TBC1D9: variants seen among roughly 807,000 people sequenced by gnomAD.
TBC1D9 encodes the protein TBC1 domain family member 9.
A neutral mutation model predicts 132.0 loss-of-function variants in TBC1D9; 63 were observed. The observed-to-expected ratio is 0.48, with a 90% CI of 0.39 to 0.59. The LOEUF is 0.59. Among genes scored for constraint, TBC1D9 ranks in the 20% least tolerant of loss-of-function variants. The probability of loss-of-function intolerance (pLI) is 0.00; values close to 1 mark genes in which losing one functional copy is unlikely to be tolerated. For missense variants in TBC1D9, 1,261 were observed against 1,592.7 expected (o/e 0.79, Z 3.54); for synonymous variants, 610 against 609.9 (o/e 1.00, Z 0.00).
intron 13 of TBC1D9, among the ~76,000 whole-genome samples, chr4:140,646,774 TGG>T (rs573937840): frequency 6.6e-6 from 1 of 152,182 alleles, no homozygotes; most frequent in Non-Finnish European, 1.5e-5. Flanking sequence ...ATGTGGTGAG[TGG>T]GTCTCAACCT....
chr4:140,729,854 A>T (rs776753703), intron 1 of TBC1D9, among the ~76,000 whole-genome samples: 2 of 135,314 alleles, frequency 1.5e-5, no homozygotes, highest in South Asian at 2.5e-4. Context: ...AATCCCCTTG[A>T]GTGGTTATTT....
rs148794626 is a variant in TBC1D9, at chr4:140,741,673, A to G, written c.130+14243T>C. On this transcript the variant is annotated intron_variant, in intron 1 of 20. Coordinates refer to ENST00000442267, the MANE Select transcript of TBC1D9 (RefSeq NM_015130.3). ...GCAGAGGATGCAGTGAGCAGAGATC[A>G]TGCCAATGCACTCTAGCCTAGGCGG... Among the ~76,000 whole-genome samples, 483 of 152,302 alleles carry G rather than the reference A, an allele frequency of 3.2e-3. 3 individuals carry two copies. The highest frequency in any genetic ancestry group is 0.011 in the African/African-American group (459 of 41,560).
rs138950477 is a variant in TBC1D9, at chr4:140,719,419, G to A, written c.131-17805C>T. Among the ~76,000 whole-genome samples the A allele has an allele frequency of 1.9e-3, 282 of 152,276 alleles. 2 individuals carry two copies. Among genetic ancestry groups the A allele is most frequent in the South Asian group, 0.013 (63 of 4,826 alleles). Reference sequence around the variant, plus strand: ...CTTAATTTTGGAGCAGGGAAGGAGCGTCAAGACATAAACTTGCATCTTCTT... The same window carrying A: ...CTTAATTTTGGAGCAGGGAAGGAGCATCAAGACATAAACTTGCATCTTCTT... On this transcript the variant is annotated intron_variant, in intron 1 of 20. Coordinates refer to ENST00000442267, the MANE Select transcript of TBC1D9 (RefSeq NM_015130.3).
rs1736724793 is a variant in TBC1D9, at chr4:140,627,333, T to C, written c.2899+108A>G. On this transcript the variant is annotated intron_variant, in intron 18 of 20. Transcript: ENST00000442267. ...GGAAAGTAACCAATTAAGGCAACCA[T>C]ATTTACATACTTCTTTGATTGACTA... The C allele has an allele frequency of 8.3e-6, 6 of 724,298 alleles. No homozygotes were observed. The East Asian group carries it at 1.7e-4, about 20-fold the overall frequency. 44.9% of individuals were successfully genotyped at this position (724,298 alleles called of 1,614,324 possible).
intron 2 of TBC1D9, 116 bp from the exon 3 acceptor site, chr4:140,686,578 T>C: frequency 1.5e-6 from 1 of 646,540 alleles, no homozygotes; most frequent in South Asian, 2.1e-5. Flanking sequence ...GACCAAGAGC[T>C]TTGCCTTTAA....
chr4:140,640,626 A>G (rs1352256395), intron 13 of TBC1D9, among the ~76,000 whole-genome samples: 1 of 152,168 alleles, frequency 6.6e-6, no homozygotes, highest in Non-Finnish European at 1.5e-5. Flanking sequence ...TCAATTTCCA[A>G]GCGTAACTTT....
At position 140,669,654 on chromosome 4, in the gene TBC1D9, C is replaced by G. The variant is rs371585876; in HGVS notation, c.1417G>C (p.Glu473Gln). ...CCCACCAATTTCGGGTTGAACTCCT[C>G]GGGAGACCGCCGCCGATACATGGTC... Reference protein sequence around the residue: ...LMTMYRRRSPEEFNPKLAKEF... With the variant: ...LMTMYRRRSPQEFNPKLAKEF... Residue 473 changes from glutamate to glutamine, a missense_variant, in exon 8 of 21, where the codon GAG (glutamate) becomes CAG (glutamine). Glu to Gln is a conservative substitution (Grantham distance 29). This residue lies in a region of TBC1D9 where 550 missense variants were observed against 699.0 expected (regional missense o/e 0.79). Transcript: ENST00000442267. 2 of 1,611,994 alleles carry G rather than the reference C, an allele frequency of 1.2e-6. No homozygotes were observed. The highest frequency in any genetic ancestry group is 2.7e-5 in the African/African-American group (2 of 74,906).
chr4:140,699,571 A>G (rs377592546), intron 2 of TBC1D9, among the ~76,000 whole-genome samples: 38 of 152,298 alleles, frequency 2.5e-4, no homozygotes, highest in African/African-American at 4.3e-4. Flanking sequence ...ACAAATTCCA[A>G]TTGAGGAGCA....
At chr4:140,640,447 T>TGGGGGGGGGGGGGGGGG (rs55770281) in intron 13 of TBC1D9, among the ~76,000 whole-genome samples, 4 of 108,002 alleles carry the variant, frequency 3.7e-5, no homozygotes, top group South Asian at 3.4e-4. Context: ...GGTGGTGGGG[T>TGGGGGGGGGGGGGGGGG]GGGGGGGGGA....
intron 7 of TBC1D9, among the ~76,000 whole-genome samples, chr4:140,670,058 C>G (rs1737511837): frequency 6.6e-6 from 1 of 152,176 alleles, no homozygotes; most frequent in Admixed American, 6.5e-5. Context: ...ATATTTGCAA[C>G]AAAGTGCTTG....
rs1423065322 is a variant in TBC1D9, at chr4:140,669,024, G to A, written c.1481C>T (p.Ala494Val). The change falls in exon 9 of 21, where the codon GCT (alanine) becomes GTT (valine). Residue 494 changes from alanine (A) to valine (V), a missense_variant. Ala to Val is a moderately conservative substitution (Grantham distance 64). Transcript: ENST00000442267. ...CATGCAGATCCCTTGCCCATACTCA[G>A]CAAAGTGAATCTTCCAGGCTTGCTC... ...LKEQAWKIHFAEYGQGICMYR... is the reference protein window; with the variant it reads ...LKEQAWKIHFVEYGQGICMYR... 1 of 1,613,876 alleles carries A rather than the reference G, an allele frequency of 6.2e-7. No individual in the cohort carries two copies. The highest frequency in any genetic ancestry group is 8.5e-7 in the Non-Finnish European group (1 of 1,179,892).
chr4:140,696,163 T>C (rs970967991), intron 2 of TBC1D9, among the ~76,000 whole-genome samples: 5 of 147,990 alleles, frequency 3.4e-5, no homozygotes, highest in Non-Finnish European at 4.5e-5. Context: ...TAACAGAAGA[T>C]AAAAAAGAGG....
At chr4:140,629,733 A>G (rs1736762331) in intron 16 of TBC1D9, among the ~76,000 whole-genome samples, 1 of 152,198 alleles carries the variant, frequency 6.6e-6, no homozygotes, top group African/African-American at 2.4e-5. Flanking sequence ...TGACTCTTCC[A>G]TTAGTATAGC....
chr4:140,700,440 A>T (rs561451664), intron 2 of TBC1D9, among the ~76,000 whole-genome samples: 1 of 149,070 alleles, frequency 6.7e-6, no homozygotes, highest in African/African-American at 2.5e-5. Context: ...ACAGAGCAAG[A>T]CTCCGTCCCA....
intron 1 of TBC1D9, among the ~76,000 whole-genome samples, chr4:140,745,881 C>T (rs1389453689): frequency 2.6e-5 from 4 of 152,176 alleles, no homozygotes; most frequent in Non-Finnish European, 5.9e-5. Context: ...TAAAAACATA[C>T]ACCTCCTAAC....
Position 140,657,203 on chromosome 4 carries a change from T to C in TBC1D9, c.2231A>G (p.Lys744Arg). ...LGRYLDSVTN[K>R]DSTLPPIPHL... ...AGGAATGGGAGGCAGTGTGCTGTCTTTATTGGTCACACTGTCTAAATACCT... is the reference window on the plus strand; with the variant it reads ...AGGAATGGGAGGCAGTGTGCTGTCTCTATTGGTCACACTGTCTAAATACCT... Residue 744 changes from lysine to arginine, a missense_variant, in exon 13 of 21, where the codon AAA (lysine) becomes AGA (arginine). This residue lies in a region of TBC1D9 where 618 missense variants were observed against 724.4 expected (regional missense o/e 0.85). Transcript: ENST00000442267. 1 of 1,613,808 alleles carries C rather than the reference T, an allele frequency of 6.2e-7. No homozygotes were observed.
chr4:140,692,167 T>A (rs915862444), intron 2 of TBC1D9, among the ~76,000 whole-genome samples: 14 of 152,188 alleles, frequency 9.2e-5, no homozygotes, highest in Non-Finnish European at 1.8e-4. Context: ...GTAGGTACAT[T>A]TGTATGTGCA....
At chr4:140,642,964 G>A (rs1737030806) in intron 13 of TBC1D9, 7 of 653,796 alleles carry the variant, frequency 1.1e-5, no homozygotes, top group South Asian at 9.7e-5. Context: ...TTGTACTGGT[G>A]CTGGACCTCG....
intron 9 of TBC1D9, among the ~76,000 whole-genome samples, chr4:140,666,183 T>C (rs1036210470): frequency 1.3e-5 from 2 of 152,188 alleles, no homozygotes; most frequent in African/African-American, 4.8e-5. Flanking sequence ...CACAGTATGC[T>C]ATGTGAAAGA....
Sources: allele counts gnomAD v4.1 joint callset (sites outside exome capture counted in the v4.1 genomes callset), GRCh38; gene constraint gnomAD v4.1.1; regional missense constraint gnomAD v4.1.1; transcripts MANE v1.5; gene names NCBI Gene and HGNC (gene_info 2026-07-23, HGNC 2026-07-21).